The following OTOGL variants were observed in gnomAD, a reference collection of about 807,000 sequenced individuals.
The protein encoded by OTOGL is otogelin-like protein.
OTOGL carries 285 observed loss-of-function variants against 318.5 expected under a neutral mutation model. The observed-to-expected ratio is 0.89, with a 90% CI of 0.81 to 0.99. The LOEUF (loss-of-function observed/expected upper bound fraction) is 0.99, where lower values mean the gene tolerates loss of function less well. Ranked by LOEUF, OTOGL falls within the 50% of genes least tolerant of loss-of-function variation. The pLI, the probability that OTOGL is intolerant of heterozygous loss-of-function variation, is 0.00. For synonymous variants in OTOGL, 987 were observed against 936.5 expected (o/e 1.05, Z -0.99); for missense variants, 2,899 against 2,845.6 (o/e 1.02, Z -0.43).
intron 26 of OTOGL, among the ~76,000 whole-genome samples, chr12:80,294,254 T>C (rs1311697114): frequency 2.0e-5 from 3 of 152,004 alleles, no homozygotes; most frequent in African/African-American, 7.3e-5. Flanking sequence ...ACTGTGAGCA[T>C]AGCATGAAAT....
intron 1 of OTOGL, among the ~76,000 whole-genome samples, chr12:80,207,732 C>G (rs928711175): frequency 5.3e-5 from 8 of 152,160 alleles, no homozygotes; most frequent in African/African-American, 1.9e-4. Flanking sequence ...TCTGCATAAA[C>G]TAATTCCCTT....
At chr12:80,196,459 A>G (rs966006471) in intron 1 of OTOGL, among the ~76,000 whole-genome samples, 7 of 152,104 alleles carry the variant, frequency 4.6e-5, no homozygotes, top group African/African-American at 1.7e-4. Context: ...TGACCTTATG[A>G]CTGTCATTCA....
At chr12:80,370,992 A>C (rs960874102) in intron 56 of OTOGL, among the ~76,000 whole-genome samples, 1 of 152,078 alleles carries the variant, frequency 6.6e-6, no homozygotes, top group Admixed American at 6.6e-5. Flanking sequence ...TGGATTAATA[A>C]GCTAAGGAAT....
intron 18 of OTOGL, among the ~76,000 whole-genome samples, chr12:80,259,031 C>T (rs1300872046): frequency 6.6e-6 from 1 of 151,954 alleles, no homozygotes; most frequent in East Asian, 1.9e-4. Flanking sequence ...AACCATTTCA[C>T]AATGTATACC....
chr12:80,241,610 CT>C (rs1402677328), intron 11 of OTOGL, among the ~76,000 whole-genome samples: 1 of 152,042 alleles, frequency 6.6e-6, no homozygotes, highest in African/African-American at 2.4e-5. Context: ...TCTTTAATAT[CT>C]TTAGCACCCA....
At chr12:80,194,980 A>G (rs562730324) in intron 1 of OTOGL, among the ~76,000 whole-genome samples, 1 of 152,280 alleles carries the variant, frequency 6.6e-6, no homozygotes, top group South Asian at 2.1e-4. Context: ...TACTTAGAAA[A>G]AGTGTTGCAA....
At chr12:80,276,348 G>T (rs981023755) in intron 24 of OTOGL, among the ~76,000 whole-genome samples, 4 of 151,654 alleles carry the variant, frequency 2.6e-5, no homozygotes, top group African/African-American at 9.7e-5. Flanking sequence ...ATCAGTTAGG[G>T]GCATAGTTAA....
intron 1 of OTOGL, among the ~76,000 whole-genome samples, chr12:80,185,101 G>A (rs1320634021): frequency 1.3e-5 from 2 of 152,170 alleles, no homozygotes; most frequent in Non-Finnish European, 2.9e-5. Flanking sequence ...GGATGCCAAT[G>A]CTCTGTTAAC....
At chr12:80,108,936 G>GTATATATATATATATATATATA (rs199972356) in intron 1 of OTOGL, among the ~76,000 whole-genome samples, 1 of 128,242 alleles carries the variant, frequency 7.8e-6, no homozygotes, top group African/African-American at 3.2e-5. Flanking sequence ...ATATGTGTGT[G>GTATATATATATATATATATATA]TATATATATA....
At chr12:80,167,671 T>G (rs1873911471) in intron 1 of OTOGL, among the ~76,000 whole-genome samples, 1 of 152,134 alleles carries the variant, frequency 6.6e-6, no homozygotes, top group South Asian at 2.1e-4. Flanking sequence ...TTTTAATATT[T>G]CACTTGTCTC....
chr12:80,368,755 T>A (rs1162226506), intron 55 of OTOGL, among the ~76,000 whole-genome samples: 1 of 151,716 alleles, frequency 6.6e-6, no homozygotes, highest in Non-Finnish European at 1.5e-5. Context: ...AAGAAAATAG[T>A]CAGGTTCATC....
intron 44 of OTOGL, among the ~76,000 whole-genome samples, chr12:80,349,232 A>G (rs1050421882): frequency 1.3e-5 from 2 of 152,204 alleles, no homozygotes; most frequent in African/African-American, 4.8e-5. Context: ...AGTTATTAGT[A>G]TATGGATTTT....
Position 80,339,136 on chromosome 12 carries a change from A to G in OTOGL, c.4922A>G (p.Asp1641Gly). 1 of 1,611,260 alleles carries G rather than the reference A, an allele frequency of 6.2e-7. No individual in the cohort carries two copies. Among genetic ancestry groups the G allele is most frequent in the Non-Finnish European group, 8.5e-7 (1 of 1,177,864 alleles). ...PFSSQELSIE[D>G]SGSMYVITTP... ...TCAAGTCAGGAACTGTCCATAGAGG[A>G]TTCTGGTTCAATGTATGTAATTACT... The change falls in exon 43 of 59, where the codon GAT becomes GGT. Residue 1641 changes from aspartate (D) to glycine (G), a missense_variant. Asp to Gly is a moderately conservative substitution (Grantham distance 94, BLOSUM62 -1). This residue lies in a region of OTOGL where 2,607 missense variants were observed against 2,524.9 expected (regional missense o/e 1.03). Transcript: ENST00000547103.
intron 29 of OTOGL, among the ~76,000 whole-genome samples, chr12:80,308,172 A>T (rs1201059165): frequency 7.1e-6 from 1 of 141,302 alleles, no homozygotes; most frequent in Admixed American, 6.9e-5. Flanking sequence ...CTCCCGGACG[A>T]GGTGGCTGCC....
chr12:80,221,976 T>C (rs1043006083), intron 6 of OTOGL, 115 bp from the exon 7 acceptor site: 12 of 1,170,580 alleles, frequency 1.0e-5, no homozygotes, highest in East Asian at 7.2e-5. Context: ...TCCTGTGTTA[T>C]AGACCAAGGA....
chr12:80,207,533 A>C (rs1175365531), intron 1 of OTOGL, among the ~76,000 whole-genome samples: 1 of 152,132 alleles, frequency 6.6e-6, no homozygotes, highest in Admixed American at 6.6e-5. Context: ...TAAGTCAAGC[A>C]AAAAGTCAAA....
intron 26 of OTOGL, among the ~76,000 whole-genome samples, chr12:80,290,320 A>G (rs1479694956): frequency 1.0e-5 from 1 of 98,210 alleles, no homozygotes; most frequent in Non-Finnish European, 2.3e-5. Flanking sequence ...GCTGCAGACC[A>G]GAACTGTTCC....
chr12:80,234,393 A>G (rs2137411450), intron 9 of OTOGL, among the ~76,000 whole-genome samples: 1 of 152,348 alleles, frequency 6.6e-6, no homozygotes, highest in South Asian at 2.1e-4. Context: ...TCCGTTTTAT[A>G]TTATAAAATT....
intron 28 of OTOGL, among the ~76,000 whole-genome samples, chr12:80,303,337 A>G (rs886105433): frequency 2.6e-5 from 4 of 152,058 alleles, no homozygotes; most frequent in Non-Finnish European, 5.9e-5. Flanking sequence ...TTGTATTTTT[A>G]GTAGAGAACA....
Sources: allele counts gnomAD v4.1 joint callset (sites outside exome capture counted in the v4.1 genomes callset), GRCh38; gene constraint gnomAD v4.1.1; regional missense constraint gnomAD v4.1.1; transcripts MANE v1.5; gene names NCBI Gene and HGNC (gene_info 2026-07-23, HGNC 2026-07-21).